RUFY3: variants seen among roughly 807,000 people sequenced by gnomAD.
RUFY3 encodes protein RUFY3.
Under a neutral mutation model 84.0 loss-of-function variants are expected in RUFY3, and 34 were observed. That is an observed-to-expected ratio of 0.40 (90% CI 0.31 to 0.54). RUFY3 has a LOEUF of 0.54. Ranked by LOEUF, RUFY3 falls within the 20% of genes least tolerant of loss-of-function variation. The pLI, the probability that RUFY3 is intolerant of heterozygous loss-of-function variation, is 0.39. For missense variants in RUFY3, 507 were observed against 736.8 expected (o/e 0.69, Z 3.61); for synonymous variants, 242 against 252.9 (o/e 0.96, Z 0.41).
At chr4:70,774,540 G>A (rs1400798196) in intron 6 of RUFY3, among the ~76,000 whole-genome samples, 7 of 141,046 alleles carry the variant, frequency 5.0e-5, no homozygotes, top group African/African-American at 8.0e-5. Flanking sequence ...GCTTGAACCC[G>A]GGAGGTGGAG....
intron 14 of RUFY3, among the ~76,000 whole-genome samples, chr4:70,796,618 G>A (rs1731542466): frequency 6.6e-6 from 1 of 152,212 alleles, no homozygotes; most frequent in African/African-American, 2.4e-5. Context: ...TATCTGTGGT[G>A]TTGGCTATTG....
upstream of RUFY3, among the ~76,000 whole-genome samples, chr4:70,717,496 A>C (rs1005255313): frequency 6.6e-6 from 1 of 152,132 alleles, no homozygotes; most frequent in Non-Finnish European, 1.5e-5. Context: ...TTAAGGTGTA[A>C]AGTATGGAGG....
At chr4:70,717,583 GTGTGTGTGTGTGTT>G (rs138002029), upstream of RUFY3, among the ~76,000 whole-genome samples, 1,913 of 151,746 alleles carry the variant, frequency 0.013, 48 homozygotes, top group African/African-American at 0.044. Context: ...GACTTTGCGT[GTGTGTGTGTGTGTT>G]TGTGTGTGTG....
chr4:70,758,883 C>CA (rs1724501887), intron 1 of RUFY3, among the ~76,000 whole-genome samples: 1 of 151,916 alleles, frequency 6.6e-6, no homozygotes, highest in African/African-American at 2.4e-5. Context: ...ACTAAAAATA[C>CA]AAAAAATTAG....
At chr4:70,777,745 G>A (rs530346812) in intron 7 of RUFY3, among the ~76,000 whole-genome samples, 116 of 152,170 alleles carry the variant, frequency 7.6e-4, no homozygotes, top group African/African-American at 2.7e-3. Flanking sequence ...ATGCAATAAC[G>A]CAAATAACGT....
At chr4:70,780,147 A>G (rs1728662491) in intron 8 of RUFY3, among the ~76,000 whole-genome samples, 1 of 152,186 alleles carries the variant, frequency 6.6e-6, no homozygotes, top group Admixed American at 6.6e-5. Flanking sequence ...AATGTTCAGC[A>G]CAGATTTTTT....
chr4:70,752,737 G>A (rs1322323371), intron 1 of RUFY3, among the ~76,000 whole-genome samples: 9 of 152,242 alleles, frequency 5.9e-5, no homozygotes, highest in African/African-American at 1.4e-4. Flanking sequence ...GTGTTGGACC[G>A]ACCTTGCATT....
rs559249835 is a variant in RUFY3 at position 70,794,549 on chromosome 4, C to T, written c.1458-246C>T. The T allele has an allele frequency of 8.1e-5, 35 of 434,628 alleles. 1 individual carries two copies. The South Asian group carries it at 9.1e-4, about 11-fold the overall frequency. The allele number at this position is 434,628 out of a possible 1,614,324, so 26.9% of individuals were successfully genotyped here. A position where few individuals can be genotyped will look rare whatever the true frequency, so the allele number is the denominator to read the frequency against. On this transcript the variant is annotated intron_variant, in intron 13 of 17. Coordinates refer to ENST00000381006, the MANE Select transcript of RUFY3 (RefSeq NM_001037442.4). ...TGACCTGAGATCATGCCACTGCACT[C>T]CAGCCTGGCAACAGAACAAGACTCC...
At chr4:70,791,709 T>G in intron 12 of RUFY3, 1 of 1,006,078 alleles carries the variant, frequency 9.9e-7, no homozygotes. Context: ...GTTCTGCCAT[T>G]GCAGTGTGAT....
intron 1 of RUFY3, among the ~76,000 whole-genome samples, chr4:70,762,044 G>A (rs1178311146): frequency 6.6e-6 from 1 of 152,262 alleles, no homozygotes; most frequent in Non-Finnish European, 1.5e-5. Flanking sequence ...AGCCAGGCAT[G>A]GTGGCTCACG....
chr4:70,734,676 C>A, intron 1 of RUFY3: 3 of 492,112 alleles, frequency 6.1e-6, no homozygotes, highest in Non-Finnish European at 7.9e-6. Context: ...TACTTGTATG[C>A]CAGTTCCTAT....
At chr4:70,778,224 G>T in intron 7 of RUFY3, 145 bp from the exon 8 acceptor site, 2 of 359,124 alleles carry the variant, frequency 5.6e-6, no homozygotes, top group Non-Finnish European at 1.0e-5. Flanking sequence ...GACACAACGA[G>T]ACTCCGTCTA....
intron 1 of RUFY3, among the ~76,000 whole-genome samples, chr4:70,710,234 A>G (rs767061799): frequency 4.6e-5 from 7 of 152,248 alleles, no homozygotes; most frequent in Non-Finnish European, 7.3e-5. Context: ...ACAGATATGT[A>G]TATATCATAT....
chr4:70,789,280 G>A (rs1218364622), intron 11 of RUFY3, among the ~76,000 whole-genome samples: 1 of 152,082 alleles, frequency 6.6e-6, no homozygotes, highest in African/African-American at 2.4e-5. Flanking sequence ...CTTTTACACT[G>A]GAATGTGATA....
Position 70,806,570 on chromosome 4 carries a change from C to T in RUFY3, c.1774C>T (p.Leu592=). The change falls in exon 18 of 18, where the codon CTG becomes TTG. Residue 592 remains leucine, a synonymous_variant. Transcript: ENST00000381006. ...CTGTGATGCCTGTTCAACAAATGAA[C>T]TGCCTCTTCCTTCAAGTATCAAGCT... ...TFCDACSTNE[L]PLPSSIKLER... is the part of the protein sequence containing the mutation. The T allele has an allele frequency of 1.2e-6, 2 of 1,614,170 alleles. No homozygotes were observed. The highest frequency in any genetic ancestry group is 8.5e-7 in the Non-Finnish European group (1 of 1,180,006).
intron 9 of RUFY3, among the ~76,000 whole-genome samples, chr4:70,783,840 G>GT (rs1375220031): frequency 6.6e-6 from 1 of 151,788 alleles, no homozygotes; most frequent in Non-Finnish European, 1.5e-5. Context: ...TCTGTGGATG[G>GT]TTTTTTTTCC....
chr4:70,785,324 C>T (rs1014247961), intron 10 of RUFY3, among the ~76,000 whole-genome samples: 1 of 151,306 alleles, frequency 6.6e-6, no homozygotes, highest in African/African-American at 2.4e-5. Context: ...ATTTATCATC[C>T]AGTATTAGTC....
chr4:70,770,232 G>A (rs888254888), intron 5 of RUFY3, among the ~76,000 whole-genome samples: 6 of 152,206 alleles, frequency 3.9e-5, no homozygotes, highest in African/African-American at 1.4e-4. Context: ...GTCACCAGCT[G>A]TATTAGCCTC....
chr4:70,760,664 G>A (rs1275345387), intron 1 of RUFY3, among the ~76,000 whole-genome samples: 1 of 152,006 alleles, frequency 6.6e-6, no homozygotes, highest in Admixed American at 6.6e-5. Context: ...TGTCTTTCAG[G>A]GCATAGTTTT....
Sources: gnomAD v4.1 joint callset for allele counts (sites outside exome capture counted in the v4.1 genomes callset) on GRCh38, gnomAD v4.1.1 for gene constraint, MANE v1.5 for transcripts, NCBI Gene and HGNC (gene_info 2026-07-23, HGNC 2026-07-21) for gene names.